ALG14: variants seen among roughly 807,000 people sequenced by gnomAD.
ALG14 encodes UDP-N-acetylglucosamine transferase subunit ALG14.
A neutral mutation model predicts 22.8 loss-of-function variants in ALG14; 17 were observed. The observed-to-expected ratio is 0.75, with a 90% CI of 0.51 to 1.12. ALG14 has a LOEUF of 1.12. Ranked by LOEUF, ALG14 falls within the 50% of genes most tolerant of loss-of-function variation. ALG14 has a pLI of 0.00. For synonymous variants in ALG14, 89 were observed against 103.7 expected (o/e 0.86, Z 0.86); for missense variants, 288 against 271.8 (o/e 1.06, Z -0.42).
At chr1:95,066,618 T>A (rs11165297) in intron 1 of ALG14, among the ~76,000 whole-genome samples, 36,109 of 152,166 alleles carry the variant, frequency 0.24, 4,771 homozygotes, top group African/African-American at 0.35. Context: ...TTAGTGTGAA[T>A]TTCAGGAATT....
chr1:95,006,881 T>C (rs957634867), intron 3 of ALG14, among the ~76,000 whole-genome samples: 11 of 152,258 alleles, frequency 7.2e-5, no homozygotes, highest in African/African-American at 2.2e-4. Flanking sequence ...CTGTTTCTTA[T>C]ATAACTCGGT....
At chr1:95,005,281 G>A (rs1397441187) in intron 3 of ALG14, among the ~76,000 whole-genome samples, 2 of 152,206 alleles carry the variant, frequency 1.3e-5, no homozygotes. Context: ...AGAGTTCAGT[G>A]TGTATTTGAA....
rs1471905760 is a variant in ALG14 at position 95,026,090 on chromosome 1, G to A, written c.420+1039C>T. Among the ~76,000 whole-genome samples, 5 of 151,974 alleles carry A rather than the reference G, an allele frequency of 3.3e-5. No homozygotes were observed. The South Asian group carries it at 6.2e-4, about 19-fold the overall frequency. ...TGGGACTACAGGCGCCCACCACCAC[G>A]GCCGGCAAATCTTTTGTATTTTTAG... On this transcript the variant is annotated intron_variant, in intron 3 of 3. Coordinates refer to ENST00000370205, the MANE Select transcript of ALG14 (RefSeq NM_144988.4).
At chr1:95,022,329 C>G in intron 3 of ALG14, 13 of 985,410 alleles carry the variant, frequency 1.3e-5, no homozygotes, top group Non-Finnish European at 1.4e-5. Flanking sequence ...GTCACTCAGC[C>G]AATGTGTCAG....
At chr1:94,983,562 G>A (rs1672557614) in intron 3 of ALG14, 3 of 472,500 alleles carry the variant, frequency 6.3e-6, no homozygotes, top group African/African-American at 5.9e-5. Context: ...CTAACTTCTA[G>A]CACAGTTCCT....
At position 94,979,332 on chromosome 1, in the gene ALG14, C is replaced by G. The variant is rs1237709190; in HGVS notation, c.*3744G>C. On this transcript the variant is annotated 3_prime_UTR_variant, in exon 4 of 4. Transcript: ENST00000370205. ...AAAAAAAAGAAAGAAAAAAGTGAAA[C>G]AAGTATACAGAACTAGCATGAGGGG... The G allele has an allele frequency of 9.0e-6, 1 of 111,340 alleles. No individual in the cohort carries two copies. The highest frequency in any genetic ancestry group is 3.1e-4 in the South Asian group (1 of 3,254). 6.9% of individuals were successfully genotyped at this position (111,340 alleles called of 1,614,324 possible).
At chr1:94,992,345 C>T (rs1672795467) in intron 3 of ALG14, among the ~76,000 whole-genome samples, 1 of 152,054 alleles carries the variant, frequency 6.6e-6, no homozygotes. Flanking sequence ...GTTTGTCTGT[C>T]ATTGACTGAA....
rs1384865614 is a variant in ALG14, at chr1:94,978,033, G to A, written c.*5043C>T. 6.6e-6 allele frequency: 1 copy of A among 151,370 alleles called. No individual in the cohort carries two copies. The highest frequency in any genetic ancestry group is 1.5e-5 in the Non-Finnish European group (1 of 67,880). 9.4% of individuals were successfully genotyped at this position (151,370 alleles called of 1,614,324 possible). A position where few individuals can be genotyped will look rare whatever the true frequency, so the allele number is the denominator to read the frequency against. On this transcript the variant is annotated 3_prime_UTR_variant, in exon 4 of 4. Transcript: ENST00000370205. ...CTGGTCTAGATAAAATATAACTGAA[G>A]TGAGCCTAGACAAGTCTGAAGCTAT...
chr1:94,990,909 C>T (rs1672754975), intron 3 of ALG14, among the ~76,000 whole-genome samples: 1 of 152,234 alleles, frequency 6.6e-6, no homozygotes, highest in African/African-American at 2.4e-5. Context: ...GATAAGTTCC[C>T]TCTAACTTGC....
intron 2 of ALG14, among the ~76,000 whole-genome samples, chr1:95,028,254 T>A (rs1334232326): frequency 6.6e-6 from 1 of 152,116 alleles, no homozygotes; most frequent in Non-Finnish European, 1.5e-5. Flanking sequence ...GCTCAGGTGA[T>A]CCTCCCACCT....
At chr1:95,043,302 A>G (rs1418955363) in intron 2 of ALG14, among the ~76,000 whole-genome samples, 3 of 152,104 alleles carry the variant, frequency 2.0e-5, no homozygotes, top group Non-Finnish European at 4.4e-5. Context: ...TACACACGTT[A>G]TAAGGTCTGG....
intron 2 of ALG14, among the ~76,000 whole-genome samples, chr1:95,060,502 G>A (rs1675107855): frequency 6.6e-6 from 1 of 151,866 alleles, no homozygotes; most frequent in Non-Finnish European, 1.5e-5. Context: ...AGATCACGAG[G>A]TCAGGAGATC....
rs751645245 is a variant in ALG14, at chr1:95,064,935, A to G, written c.219T>C (p.Thr73=). ...YSPRHYVIAD[T]DEMSANKINS... ...TTATTTTATTGGCACTCATTTCATCAGTGTCAGCAATGACATAATGTCTAG... is the reference window on the plus strand; with the variant it reads ...TTATTTTATTGGCACTCATTTCATCGGTGTCAGCAATGACATAATGTCTAG... Residue 73 remains threonine, a synonymous_variant, in exon 2 of 4, where the codon ACT becomes ACC. Transcript: ENST00000370205. 5.0e-6 allele frequency: 8 copies of G among 1,613,952 alleles called. No individual in the cohort carries two copies. The South Asian group carries it at 8.8e-5, about 18-fold the overall frequency.
rs537065687 is a variant in ALG14, at chr1:95,036,294, G to A, written c.289-9034C>T. ...CTCATGAGTTCTGATGGTTTTATAA[G>A]GGGCTTCCCCCTTTGCTGGGCACTT... On this transcript the variant is annotated intron_variant, in intron 2 of 3. Coordinates refer to ENST00000370205, the MANE Select transcript of ALG14 (RefSeq NM_144988.4). 4.6e-5 allele frequency among the ~76,000 whole-genome samples: 7 copies of A among 152,218 alleles called. 1 individual carries two copies. The East Asian group carries it at 9.6e-4, about 21-fold the overall frequency.
intron 2 of ALG14, chr1:95,035,873 C>A (rs762912269): frequency 6.6e-6 from 1 of 152,164 alleles, no homozygotes; most frequent in African/African-American, 2.4e-5. Context: ...TGCCACACGA[C>A]TGAAAAGTCC....
chr1:95,015,275 T>C (rs1673469231), intron 3 of ALG14, among the ~76,000 whole-genome samples: 1 of 152,142 alleles, frequency 6.6e-6, no homozygotes, highest in South Asian at 2.1e-4. Context: ...AGAACTAGCG[T>C]GTTCCAGTTC....
chr1:95,020,794 C>T (rs1177291018), intron 3 of ALG14, among the ~76,000 whole-genome samples: 1 of 151,350 alleles, frequency 6.6e-6, no homozygotes, highest in Admixed American at 6.6e-5. Flanking sequence ...TCTACAACAC[C>T]AAGAAATTAA....
intron 3 of ALG14, among the ~76,000 whole-genome samples, chr1:94,993,923 T>A (rs1672843603): frequency 2.0e-5 from 3 of 152,308 alleles, no homozygotes; most frequent in Admixed American, 2.0e-4. Context: ...GTTCCATGCA[T>A]GTTCATGGCT....
At chr1:95,037,445 G>A (rs1238867455) in intron 2 of ALG14, among the ~76,000 whole-genome samples, 1 of 152,188 alleles carries the variant, frequency 6.6e-6, no homozygotes, top group Non-Finnish European at 1.5e-5. Flanking sequence ...TGAAGAGGAA[G>A]AGACATGAGG....
Sources: gnomAD v4.1 joint callset for allele counts (sites outside exome capture counted in the v4.1 genomes callset) on GRCh38, gnomAD v4.1.1 for gene constraint, MANE v1.5 for transcripts, NCBI Gene and HGNC (gene_info 2026-07-23, HGNC 2026-07-21) for gene names.